Variants in SHLD1 observed in about 807,000 individuals in gnomAD.
The protein encoded by SHLD1 is shieldin complex subunit 1, also known as RINN1-REV7-interacting novel NHEJ regulator 3.
Under a neutral mutation model 5.5 loss-of-function variants are expected in SHLD1, and 3 were observed. That is an observed-to-expected ratio of 0.54 (90% CI 0.25 to 1.40). SHLD1 has a LOEUF of 1.40. SHLD1 is among the 40% of genes most tolerant of loss of function. The pLI, the probability that SHLD1 is intolerant of heterozygous loss-of-function variation, is 0.15. For synonymous variants in SHLD1, 92 were observed against 94.3 expected (o/e 0.98, Z 0.14); for missense variants, 210 against 244.4 (o/e 0.86, Z 0.94).
At chr20:5,785,796 C>CAA (rs34293571) in intron 2 of SHLD1, among the ~76,000 whole-genome samples, 1,304 of 82,248 alleles carry the variant, frequency 0.016, 15 homozygotes, top group African/African-American at 0.048. Context: ...ACTCCGTCTC[C>CAA]AAAAAAAAAA....
chr20:5,771,138 G>A (rs540959290), intron 1 of SHLD1, among the ~76,000 whole-genome samples: 31 of 152,298 alleles, frequency 2.0e-4, no homozygotes, highest in East Asian at 1.9e-3. Context: ...GCCCTGCAGC[G>A]TTGCCACAGA....
intron 2 of SHLD1, among the ~76,000 whole-genome samples, chr20:5,849,884 G>A (rs561701069): frequency 1.4e-4 from 21 of 148,696 alleles, no homozygotes; most frequent in African/African-American, 4.0e-4. Context: ...GCGTGAACCC[G>A]GGAAGCGGAG....
intron 2 of SHLD1, among the ~76,000 whole-genome samples, chr20:5,838,265 A>C (rs763652186): frequency 6.6e-6 from 1 of 152,250 alleles, no homozygotes; most frequent in South Asian, 2.1e-4. Context: ...ACATTATCAT[A>C]TATGAGCATA....
rs1417427431 is a variant in SHLD1 at position 5,758,555 on chromosome 20, A to G, written c.-5+8076A>G. 8.6e-5 allele frequency among the ~76,000 whole-genome samples: 13 copies of G among 151,462 alleles called. No homozygotes were observed. In the East Asian group the frequency reaches 2.5e-3, roughly 30 times the overall value. ...TGCCTCAGCCTTCCGAGTAGCTGGG[A>G]TTATAGGTGTCTGTCATCATGCCTG... is the stretch of plus-strand genomic sequence containing the variant. On this transcript the variant is annotated intron_variant, in intron 1 of 2. Transcript: ENST00000303142.
At chr20:5,795,291 A>G (rs2087195884) in intron 2 of SHLD1, among the ~76,000 whole-genome samples, 2 of 151,540 alleles carry the variant, frequency 1.3e-5, no homozygotes, top group South Asian at 2.1e-4. Context: ...ACGCAAAACC[A>G]AAGTGATAAA....
intron 2 of SHLD1, among the ~76,000 whole-genome samples, chr20:5,850,715 T>C (rs1047340309): frequency 6.6e-6 from 1 of 152,124 alleles, no homozygotes; most frequent in Non-Finnish European, 1.5e-5. Context: ...TTTCACCATG[T>C]TGGCCAGACT....
intron 2 of SHLD1, among the ~76,000 whole-genome samples, chr20:5,775,253 G>C (rs6085273): frequency 6.6e-6 from 1 of 151,752 alleles, no homozygotes; most frequent in African/African-American, 2.4e-5. Context: ...GTGTTGCCCA[G>C]GCAAGTCTCG....
At chr20:5,862,319 G>A (rs1568536345) in intron 2 of SHLD1, among the ~76,000 whole-genome samples, 1 of 152,234 alleles carries the variant, frequency 6.6e-6, no homozygotes, top group African/African-American at 2.4e-5. Context: ...TATGTCTGCT[G>A]CTTGAACCCT....
chr20:5,839,239 C>G (rs554362032), intron 2 of SHLD1, among the ~76,000 whole-genome samples: 1 of 152,194 alleles, frequency 6.6e-6, no homozygotes, highest in South Asian at 2.1e-4. Flanking sequence ...TTTTCTTTGC[C>G]CCTAGAAGGA....
intron 2 of SHLD1, among the ~76,000 whole-genome samples, chr20:5,776,208 G>A (rs1333282414): frequency 6.6e-6 from 1 of 151,952 alleles, no homozygotes; most frequent in African/African-American, 2.4e-5. Context: ...CACTGCTCTG[G>A]GATTACAGGC....
At chr20:5,847,672 TAG>T (rs767083771) in intron 2 of SHLD1, among the ~76,000 whole-genome samples, 40 of 152,196 alleles carry the variant, frequency 2.6e-4, no homozygotes, top group Non-Finnish European at 5.9e-4. Context: ...AGCTCCGCCA[TAG>T]AAGTTGTCAG....
At chr20:5,849,874 G>A (rs1346818432) in intron 2 of SHLD1, among the ~76,000 whole-genome samples, 1 of 149,392 alleles carries the variant, frequency 6.7e-6, no homozygotes, top group Non-Finnish European at 1.5e-5. Context: ...CAGGAGAATG[G>A]CGTGAACCCG....
intron 2 of SHLD1, among the ~76,000 whole-genome samples, chr20:5,825,599 G>A (rs1016645513): frequency 7.9e-5 from 12 of 152,196 alleles, no homozygotes; most frequent in African/African-American, 2.9e-4. Flanking sequence ...AACAAGGCCG[G>A]CACAGTGGCT....
intron 1 of SHLD1, among the ~76,000 whole-genome samples, chr20:5,753,949 T>G (rs762625203): frequency 1.5e-4 from 23 of 152,186 alleles, no homozygotes; most frequent in African/African-American, 5.5e-4. Context: ...ACACTCCTTG[T>G]GTGTTAGCGT....
intron 2 of SHLD1, among the ~76,000 whole-genome samples, chr20:5,794,434 T>C (rs1389870023): frequency 6.6e-6 from 1 of 152,232 alleles, no homozygotes; most frequent in Non-Finnish European, 1.5e-5. Flanking sequence ...TGACTTTTCC[T>C]GGGACAGGCC....
At chr20:5,812,242 A>G (rs1326749613) in intron 2 of SHLD1, among the ~76,000 whole-genome samples, 1 of 152,114 alleles carries the variant, frequency 6.6e-6, no homozygotes, top group Non-Finnish European at 1.5e-5. Flanking sequence ...CAAAATAAAG[A>G]TCAGTTTTCT....
intron 1 of SHLD1, among the ~76,000 whole-genome samples, chr20:5,758,196 G>A (rs2122183433): frequency 6.6e-6 from 1 of 151,062 alleles, no homozygotes; most frequent in Middle Eastern, 3.4e-3. Flanking sequence ...GAACCTGAAG[G>A]AGGTCCATTA....
chr20:5,820,092 C>T (rs761721873), intron 2 of SHLD1, among the ~76,000 whole-genome samples: 1 of 152,298 alleles, frequency 6.6e-6, no homozygotes, highest in East Asian at 1.9e-4. Flanking sequence ...GGATTACAGG[C>T]GTGTGCCACC....
At chr20:5,799,467 ATTTTTTTTTTT>A (rs548170853) in intron 2 of SHLD1, among the ~76,000 whole-genome samples, 1 of 98,502 alleles carries the variant, frequency 1.0e-5, no homozygotes, top group African/African-American at 4.2e-5. Context: ...TGCCTGGCTA[ATTTTTTTTTTT>A]TTTTTTTTTT....
Sources: allele counts gnomAD v4.1 joint callset (sites outside exome capture counted in the v4.1 genomes callset), GRCh38; gene constraint gnomAD v4.1.1; transcripts MANE v1.5; gene names NCBI Gene and HGNC (gene_info 2026-07-23, HGNC 2026-07-21).